Variants in TFPI observed in about 807,000 individuals in gnomAD.
TFPI encodes tissue factor pathway inhibitor.
Under a neutral mutation model 34.6 loss-of-function variants are expected in TFPI, and 15 were observed. That is an observed-to-expected ratio of 0.43 (90% CI 0.29 to 0.67). TFPI has a LOEUF of 0.67. Among genes scored for constraint, TFPI ranks in the 30% least tolerant of loss-of-function variants. The pLI is 0.15. For missense variants in TFPI, 301 were observed against 364.0 expected, an observed-to-expected ratio of 0.83 and a Z score of 1.41; for synonymous variants, 105 against 120.1, an observed-to-expected ratio of 0.87 and a Z score of 0.82.
chr2:187,503,879 T>G, intron 1 of TFPI, 109 bp from the exon 2 acceptor site: 1 of 1,179,094 alleles, frequency 8.5e-7, no homozygotes. Flanking sequence ...CTATGCCATT[T>G]TATGTGTATA....
chr2:187,478,027 T>C (rs1269876832), intron 6 of TFPI, among the ~76,000 whole-genome samples: 2 of 152,124 alleles, frequency 1.3e-5, no homozygotes, highest in African/African-American at 4.8e-5. Flanking sequence ...GCTTTTTAAG[T>C]CTACCTGAAT....
intron 3 of TFPI, among the ~76,000 whole-genome samples, chr2:187,494,514 G>A (rs1685338711): frequency 6.6e-6 from 1 of 152,062 alleles, no homozygotes; most frequent in Non-Finnish European, 1.5e-5. Flanking sequence ...TTCAATGCTT[G>A]CAAACAGTAG....
chr2:187,478,659 T>C (rs1574379840), intron 6 of TFPI: 1 of 1,610,340 alleles, frequency 6.2e-7, no homozygotes, highest in East Asian at 2.2e-5. Context: ...ATTAAGGAAA[T>C]GCCAAAAGCA....
At chr2:187,548,139 A>C (rs536177778) in intron 1 of TFPI, among the ~76,000 whole-genome samples, 1 of 152,240 alleles carries the variant, frequency 6.6e-6, no homozygotes, top group African/African-American at 2.4e-5. Flanking sequence ...AAGATATTAA[A>C]ATTGAATCTG....
In TFPI at chr2:187,465,942, C is replaced by T. The variant is rs1219065160; in HGVS notation, c.*994G>A. 1 of 152,056 alleles carries T rather than the reference C, an allele frequency of 6.6e-6. No individual in the cohort carries two copies. Among genetic ancestry groups the T allele is most frequent in the Non-Finnish European group, 1.5e-5 (1 of 67,998 alleles). 9.4% of individuals were successfully genotyped at this position (152,056 alleles called of 1,614,324 possible). A position where few individuals can be genotyped will look rare whatever the true frequency, so the allele number is the denominator to read the frequency against. On this transcript the variant is annotated 3_prime_UTR_variant, in exon 8 of 8. Transcript: ENST00000233156. ...TCTGGATATAGTGAATTAACTCCAG[C>T]AAAATATTAAATCCCCAAGAATGAC...
At chr2:187,521,618 G>A (rs915518736) in intron 1 of TFPI, among the ~76,000 whole-genome samples, 2 of 152,020 alleles carry the variant, frequency 1.3e-5, no homozygotes, top group Admixed American at 1.3e-4. Flanking sequence ...ACCCATGGTA[G>A]AGGGCAAAGG....
Position 187,464,285 on chromosome 2 carries a change from TTGAG to T in TFPI, c.*2647_*2650del, listed in dbSNP as rs1437632259. The T allele has an allele frequency of 6.6e-6, 1 of 152,130 alleles. No individual in the cohort carries two copies. Among genetic ancestry groups the T allele is most frequent in the African/African-American group, 2.4e-5 (1 of 41,430 alleles). 9.4% of individuals were successfully genotyped at this position (152,130 alleles called of 1,614,324 possible). On this transcript the variant is annotated 3_prime_UTR_variant, in exon 8 of 8. Transcript: ENST00000233156. Reference sequence around the variant, plus strand: ...CTTATAATGTAAAAAATATAATCGTTTGAGTGGTTTTCAGCATGATCTGTTAATT... The same window carrying T: ...CTTATAATGTAAAAAATATAATCGTTTGGTTTTCAGCATGATCTGTTAATT...
At chr2:187,512,112 C>T (rs866397256) in intron 1 of TFPI, among the ~76,000 whole-genome samples, 2 of 152,122 alleles carry the variant, frequency 1.3e-5, no homozygotes, top group African/African-American at 2.4e-5. Flanking sequence ...CCGCTGATAA[C>T]CCCTAGACTT....
At chr2:187,484,333 A>G (rs1413617544) in intron 5 of TFPI, 117 bp from the exon 6 acceptor site, 2 of 724,820 alleles carry the variant, frequency 2.8e-6, no homozygotes, top group East Asian at 2.6e-5. Flanking sequence ...TCACATTGCT[A>G]TGTTAAATTA....
intron 3 of TFPI, among the ~76,000 whole-genome samples, chr2:187,494,607 T>G (rs1685345647): frequency 6.6e-6 from 1 of 152,354 alleles, no homozygotes; most frequent in African/African-American, 2.4e-5. Context: ...GGCTGCCGAT[T>G]AAATTCTCTC....
intron 1 of TFPI, among the ~76,000 whole-genome samples, chr2:187,551,527 G>A (rs879939155): frequency 1.3e-5 from 2 of 152,132 alleles, no homozygotes; most frequent in Non-Finnish European, 2.9e-5. Flanking sequence ...CTGACACTTG[G>A]AGAAGTGAAG....
intron 1 of TFPI, among the ~76,000 whole-genome samples, chr2:187,520,773 T>A (rs1377714347): frequency 6.6e-6 from 1 of 152,132 alleles, no homozygotes; most frequent in East Asian, 1.9e-4. Context: ...CCTTTATTTA[T>A]ATAAGTATGG....
chr2:187,493,644 AC>A (rs1685270198), intron 3 of TFPI, among the ~76,000 whole-genome samples: 1 of 151,774 alleles, frequency 6.6e-6, no homozygotes, highest in Non-Finnish European at 1.5e-5. Flanking sequence ...CAGCACCTAA[AC>A]CCCCCTTGAA....
At chr2:187,529,925 A>G (rs925962926) in intron 1 of TFPI, among the ~76,000 whole-genome samples, 4 of 152,312 alleles carry the variant, frequency 2.6e-5, no homozygotes, top group East Asian at 3.9e-4. Flanking sequence ...AAATACAGCA[A>G]TCGCCAACTT....
chr2:187,484,528 G>A (rs868408806), intron 5 of TFPI: 2 of 479,946 alleles, frequency 4.2e-6, no homozygotes, highest in Non-Finnish European at 3.6e-6. Flanking sequence ...TTGTATAAAT[G>A]TGAAAGATTT....
At chr2:187,478,886 A>G in intron 6 of TFPI, 2 of 1,178,202 alleles carry the variant, frequency 1.7e-6, no homozygotes, top group Non-Finnish European at 2.5e-6. Context: ...GGGTGGGGGA[A>G]GTCTATAAAC....
chr2:187,548,572 C>T (rs1490511817), intron 1 of TFPI, among the ~76,000 whole-genome samples: 1 of 151,964 alleles, frequency 6.6e-6, no homozygotes, highest in African/African-American at 2.4e-5. Context: ...AAGAGGTTTC[C>T]AGCACCTATT....
At chr2:187,500,792 G>T (rs536389443) in intron 2 of TFPI, among the ~76,000 whole-genome samples, 2 of 152,176 alleles carry the variant, frequency 1.3e-5, no homozygotes, top group Non-Finnish European at 2.9e-5. Context: ...CAGGTGTGCT[G>T]TGTGACCCAC....
At chr2:187,508,935 T>C (rs960891390) in intron 1 of TFPI, among the ~76,000 whole-genome samples, 1 of 152,202 alleles carries the variant, frequency 6.6e-6, no homozygotes, top group Non-Finnish European at 1.5e-5. Context: ...TGTGAGTTTG[T>C]CATAAATAGT....
Sources: gnomAD v4.1 joint callset for allele counts (sites outside exome capture counted in the v4.1 genomes callset) on GRCh38, gnomAD v4.1.1 for gene constraint, MANE v1.5 for transcripts, NCBI Gene and HGNC (gene_info 2026-07-23, HGNC 2026-07-21) for gene names.